Variants in WNT7B observed in about 807,000 individuals in gnomAD.
WNT7B encodes the protein Wnt family member 7B, also known as protein Wnt-7b.
Under a neutral mutation model 38.2 loss-of-function variants are expected in WNT7B, and 19 were observed. The observed-to-expected ratio is 0.50, with a 90% CI of 0.35 to 0.73. WNT7B has a LOEUF of 0.73. Among genes scored for constraint, WNT7B ranks in the 30% least tolerant of loss-of-function variants. The pLI, the probability that WNT7B is intolerant of heterozygous loss-of-function variation, is 0.01. For missense variants in WNT7B, 423 were observed against 507.9 expected (o/e 0.83, Z 1.61); for synonymous variants, 243 against 209.3 (o/e 1.16, Z -1.39).
chr22:45,955,013 G>A (rs1427357255), intron 1 of WNT7B, among the ~76,000 whole-genome samples: 2 of 152,344 alleles, frequency 1.3e-5, no homozygotes, highest in East Asian at 1.9e-4. Context: ...AGTAAGTGTG[G>A]GACACACGCT....
intron 3 of WNT7B, among the ~76,000 whole-genome samples, chr22:45,930,703 G>A (rs1420713864): frequency 3.9e-5 from 6 of 152,208 alleles, no homozygotes; most frequent in Admixed American, 3.9e-4. Context: ...GGCTGCCTCT[G>A]CCAGGAAGTC....
chr22:45,926,560 A>G (rs1307303618), intron 3 of WNT7B: 5 of 985,282 alleles, frequency 5.1e-6, no homozygotes, highest in Non-Finnish European at 6.0e-6. Flanking sequence ...CCAGCCCAGG[A>G]GCCTGGCGTC....
chr22:45,927,307 C>G (rs572770012), intron 3 of WNT7B: 1 of 985,428 alleles, frequency 1.0e-6, no homozygotes, highest in African/African-American at 1.7e-5. Context: ...CCCCGCCCCC[C>G]AGGGAGCTTG....
chr22:45,938,021 A>G lies in WNT7B; in HGVS notation c.299-6652T>C, dbSNP rs575655978. Among the ~76,000 whole-genome samples, 21 of 152,274 alleles carry G rather than the reference A, an allele frequency of 1.4e-4. 2 individuals are homozygous for G. In the South Asian group the frequency reaches 3.3e-3, roughly 24 times the overall value. Reference sequence around the variant, plus strand: ...GAGACTCCGTCTAAAAAAAAAAATGACATTTTCTACAACTCAATAATAAAA... The same window carrying G: ...GAGACTCCGTCTAAAAAAAAAAATGGCATTTTCTACAACTCAATAATAAAA... On this transcript the variant is annotated intron_variant, in intron 2 of 3. Coordinates refer to ENST00000339464, the MANE Select transcript of WNT7B (RefSeq NM_058238.3).
In WNT7B at chr22:45,944,393, G is replaced by C. The variant is rs79254110; in HGVS notation, c.298+5527C>G. ...TCAGGCTCCGTCCTCCCAGGAGCCT[G>C]TGAGCTGCCTTCCCGGGGAGGGGCA... is the stretch of plus-strand genomic sequence containing the variant. On this transcript the variant is annotated intron_variant, in intron 2 of 3. Coordinates refer to ENST00000339464, the MANE Select transcript of WNT7B (RefSeq NM_058238.3). Among the ~76,000 whole-genome samples, 971 of 152,336 alleles carry C rather than the reference G, an allele frequency of 6.4e-3. 7 individuals are homozygous for C. Among genetic ancestry groups the C allele is most frequent in the African/African-American group, 0.022 (911 of 41,574 alleles).
At chr22:45,949,855 G>T (rs1475597064) in intron 2 of WNT7B, 65 bp downstream of exon 2, 6 of 1,495,722 alleles carry the variant, frequency 4.0e-6, no homozygotes, top group Non-Finnish European at 5.5e-6. Flanking sequence ...GGCCTTCAGT[G>T]GGTGGCCTGG....
chr22:45,946,739 A>G (rs1931806229), intron 2 of WNT7B, among the ~76,000 whole-genome samples: 1 of 152,222 alleles, frequency 6.6e-6, no homozygotes, highest in Non-Finnish European at 1.5e-5. Flanking sequence ...CCTTAGAAGA[A>G]ACCATCTGTC....
intron 3 of WNT7B, 70 bp downstream of exon 3, chr22:45,931,028 G>A (rs960734166): frequency 6.3e-5 from 93 of 1,482,658 alleles, no homozygotes; most frequent in Non-Finnish European, 7.9e-5. Flanking sequence ...AGGAGCCTGA[G>A]GCTCCGAGAG....
intron 1 of WNT7B, among the ~76,000 whole-genome samples, chr22:45,953,608 T>C (rs1931989788): frequency 6.6e-6 from 1 of 151,774 alleles, no homozygotes; most frequent in South Asian, 2.1e-4. Context: ...ACAAAGAAGA[T>C]ATACGCACCG....
intron 2 of WNT7B, among the ~76,000 whole-genome samples, chr22:45,934,494 G>A (rs551887022): frequency 2.0e-5 from 3 of 152,270 alleles, no homozygotes; most frequent in Non-Finnish European, 4.4e-5. Flanking sequence ...CCCAGCCGGT[G>A]GACCTTGAGG....
intron 3 of WNT7B, among the ~76,000 whole-genome samples, chr22:45,929,499 C>G (rs1297110585): frequency 9.1e-6 from 1 of 110,032 alleles, no homozygotes; most frequent in Non-Finnish European, 1.8e-5. Context: ...CACCCACCCA[C>G]CCACCCACCA....
Position 45,931,363 on chromosome 22 carries a change from C to T in WNT7B, c.305G>A (p.Arg102His), listed in dbSNP as rs956976713. Residue 102 changes from arginine to histidine, a missense_variant, in exon 3 of 4, where the codon CGT becomes CAT. Physicochemically the swap from Arg to His is conservative, Grantham distance 29. Transcript: ENST00000339464. ...GATGGCGTACGTGAAGGCAGCCTCACGGCTCCCTGCGGGGACAGACAGGTG... is the reference window on the plus strand; with the variant it reads ...GATGGCGTACGTGAAGGCAGCCTCATGGCTCCCTGCGGGGACAGACAGGTG... Reference protein sequence around the residue: ...VFGQELRVGSREAAFTYAITA... With the variant: ...VFGQELRVGSHEAAFTYAITA... 3 of 1,586,824 alleles carry T rather than the reference C, an allele frequency of 1.9e-6. No homozygotes were observed. The highest frequency in any genetic ancestry group is 2.6e-6 in the Non-Finnish European group (3 of 1,172,180).
chr22:45,964,115 C>T (rs971062448), intron 1 of WNT7B, among the ~76,000 whole-genome samples: 28 of 152,014 alleles, frequency 1.8e-4, no homozygotes, highest in Admixed American at 1.6e-3. Flanking sequence ...GACTGTGTCC[C>T]ACAGGTCCCC....
At position 45,966,823 on chromosome 22, in the gene WNT7B, T is replaced by C. The variant is rs781609978; in HGVS notation, c.71+9861A>G. Among the ~76,000 whole-genome samples the C allele has an allele frequency of 6.6e-6, 1 of 152,220 alleles. No homozygotes were observed. The highest frequency in any genetic ancestry group is 1.5e-5 in the Non-Finnish European group (1 of 68,032). ...ACTACTGAGACTGTGGGATGGCCTCTGGAAAGGCCAACCACTCCACCGGCT... is the reference window on the plus strand; with the variant it reads ...ACTACTGAGACTGTGGGATGGCCTCCGGAAAGGCCAACCACTCCACCGGCT... On this transcript the variant is annotated intron_variant, in intron 1 of 3. Transcript: ENST00000339464. The surrounding 1 kb of genome is among the most constrained non-coding windows in gnomAD (Gnocchi z 4.2).
intron 1 of WNT7B, among the ~76,000 whole-genome samples, chr22:45,973,188 G>A (rs1271241634): frequency 1.3e-5 from 2 of 152,244 alleles, no homozygotes; most frequent in African/African-American, 2.4e-5. Context: ...AGCGGTTGGC[G>A]GGGATGGGTT....
rs1050426832 is a variant in WNT7B at position 45,926,205 on chromosome 22, C to A, written c.571-2870G>T. Reference sequence around the variant, plus strand: ...CACAGGGTTCAAGAATGTGCCGTTTCCTTCTCCAGTGCCCTGGGCATTCGA... The same window carrying A: ...CACAGGGTTCAAGAATGTGCCGTTTACTTCTCCAGTGCCCTGGGCATTCGA... On this transcript the variant is annotated intron_variant, in intron 3 of 3. Transcript: ENST00000339464. The A allele has an allele frequency of 7.1e-6, 7 of 985,312 alleles. No individual in the cohort carries two copies. In the African/African-American group the frequency reaches 1.0e-4, roughly 15 times the overall value. 61.0% of individuals were successfully genotyped at this position (985,312 alleles called of 1,614,324 possible). A position where few individuals can be genotyped will look rare whatever the true frequency, so the allele number is the denominator to read the frequency against.
rs774558955 is a variant in WNT7B at position 45,922,815 on chromosome 22, G to A, written c.*41C>T. ...GTGAGGAGTGGATGTGCAAAATGCCGCCGGGTTCCAGGGTGCCCGCGGCCG... is the reference window on the plus strand; with the variant it reads ...GTGAGGAGTGGATGTGCAAAATGCCACCGGGTTCCAGGGTGCCCGCGGCCG... On this transcript the variant is annotated 3_prime_UTR_variant, in exon 4 of 4. Coordinates refer to ENST00000339464, the MANE Select transcript of WNT7B (RefSeq NM_058238.3). 7.7e-6 allele frequency: 12 copies of A among 1,560,094 alleles called. No homozygotes were observed. The highest frequency in any genetic ancestry group is 5.3e-5 in the Admixed American group (3 of 56,520).
chr22:45,969,923 A>G (rs796173336), intron 1 of WNT7B, among the ~76,000 whole-genome samples: 11 of 151,962 alleles, frequency 7.2e-5, no homozygotes, highest in African/African-American at 2.4e-4. Context: ...GCTGACACTC[A>G]CCCCCACCTC....
At chr22:45,937,384 G>T (rs1465086305) in intron 2 of WNT7B, among the ~76,000 whole-genome samples, 1 of 152,200 alleles carries the variant, frequency 6.6e-6, no homozygotes, top group Non-Finnish European at 1.5e-5. Flanking sequence ...ACTGGTGAAG[G>T]GGCCTTTCTG....
Sources: gnomAD v4.1 joint callset for allele counts (sites outside exome capture counted in the v4.1 genomes callset) on GRCh38, gnomAD v4.1.1 for gene constraint, Gnocchi (gnomAD v3.1) non-coding constraint, MANE v1.5 for transcripts, NCBI Gene and HGNC (gene_info 2026-07-23, HGNC 2026-07-21) for gene names.